Variants in CRIM1 observed in about 807,000 individuals in gnomAD.
CRIM1 encodes the protein cysteine rich transmembrane BMP regulator 1.
CRIM1 carries 32 observed loss-of-function variants against 116.4 expected under a neutral mutation model. The ratio of observed to expected loss-of-function variants is 0.27; its 90% CI spans 0.21 to 0.37. The LOEUF (loss-of-function observed/expected upper bound fraction) is 0.37. Among genes scored for constraint, CRIM1 ranks in the 10% least tolerant of loss-of-function variants. The pLI is 1.00. For synonymous variants in CRIM1, 590 were observed against 509.2 expected, an observed-to-expected ratio of 1.16 and a Z score of -2.13; for missense variants, 1,331 against 1,354.8, an observed-to-expected ratio of 0.98 and a Z score of 0.28.
In CRIM1 at chr2:36,396,718, C is replaced by A. The variant is rs759166979; in HGVS notation, c.436C>A (p.Arg146=). 1.4e-5 allele frequency: 22 copies of A among 1,613,712 alleles called. No individual in the cohort carries two copies. The highest frequency in any genetic ancestry group is 1.8e-5 in the Non-Finnish European group (21 of 1,179,634). ...TGGGAAATGTGAATGTAACACCATT[C>A]GAACCTGCAGCAATCCCTTTGAGTT... ...INGKCECNTI[R]TCSNPFEFPS... The change falls in exon 2 of 17, where the codon CGA becomes AGA. Residue 146 remains arginine (R), a synonymous_variant. Transcript: ENST00000280527.
intron 2 of CRIM1, among the ~76,000 whole-genome samples, chr2:36,433,528 A>AT (rs1675061798): frequency 6.6e-6 from 1 of 152,174 alleles, no homozygotes; most frequent in African/African-American, 2.4e-5. Flanking sequence ...CATTGTAAAG[A>AT]TTCTCTGTTT....
At chr2:36,483,133 C>T (rs1679545454) in intron 7 of CRIM1, among the ~76,000 whole-genome samples, 1 of 152,184 alleles carries the variant, frequency 6.6e-6, no homozygotes, top group Admixed American at 6.5e-5. Context: ...ATTATATTCT[C>T]ACATTTTGCT....
At chr2:36,422,049 T>C (rs1390691671) in intron 2 of CRIM1, among the ~76,000 whole-genome samples, 1 of 151,844 alleles carries the variant, frequency 6.6e-6, no homozygotes, top group African/African-American at 2.4e-5. Context: ...GTATATCTCA[T>C]GAACTGCCTT....
Position 36,420,722 on chromosome 2 carries a change from G to A in CRIM1, c.506-20536G>A, listed in dbSNP as rs921607030. Among the ~76,000 whole-genome samples the A allele has an allele frequency of 7.9e-5, 12 of 151,884 alleles. No homozygotes were observed. The East Asian group carries it at 2.3e-3, about 29-fold the overall frequency. On this transcript the variant is annotated intron_variant, in intron 2 of 16. Transcript: ENST00000280527. ...GGAAGCAGAGAAGGCATAGGGACATGGGGTAAGAAAGGAGAGCACAGTCGA... is the reference window on the plus strand; with the variant it reads ...GGAAGCAGAGAAGGCATAGGGACATAGGGTAAGAAAGGAGAGCACAGTCGA...
At chr2:36,506,041 C>A (rs183297007) in intron 8 of CRIM1, among the ~76,000 whole-genome samples, 75 of 152,016 alleles carry the variant, frequency 4.9e-4, no homozygotes, top group African/African-American at 1.8e-3. Context: ...TATTCCAGTC[C>A]AGGGTTGAGG....
chr2:36,374,671 A>C (rs1417386127), intron 1 of CRIM1, among the ~76,000 whole-genome samples: 1 of 152,184 alleles, frequency 6.6e-6, no homozygotes, highest in African/African-American at 2.4e-5. Context: ...CTTAAAAAGC[A>C]AGAAAGGAAA....
At chr2:36,544,791 C>A (rs569732012) in intron 15 of CRIM1, among the ~76,000 whole-genome samples, 1 of 152,168 alleles carries the variant, frequency 6.6e-6, no homozygotes, top group Non-Finnish European at 1.5e-5. Flanking sequence ...AGCCTGGTAT[C>A]TGGAACTTCT....
chr2:36,476,945 C>T lies in CRIM1; in HGVS notation c.1048C>T (p.Arg350Ter), dbSNP rs1365115540. 1 of 1,614,054 alleles carries T rather than the reference C, an allele frequency of 6.2e-7. No homozygotes were observed. The highest frequency in any genetic ancestry group is 1.7e-5 in the Admixed American group (1 of 60,012). Residue 350 changes from arginine to a stop codon, truncating the protein, a stop_gained, in exon 6 of 17, where the codon CGA becomes TGA. Transcript: ENST00000280527. LOFTEE classifies it high-confidence loss of function. ...NVEYYDGDMF[R>*]MDNCRFCRCQ... ...GGAATATTATGATGGAGACATGTTT[C>T]GAATGGACAACTGTCGGTTCTGTCG...
chr2:36,516,803 C>T (rs2125120200), intron 11 of CRIM1, among the ~76,000 whole-genome samples: 1 of 152,302 alleles, frequency 6.6e-6, no homozygotes, highest in African/African-American at 2.4e-5. Flanking sequence ...AATCTGGAGA[C>T]ATATCCATGA....
At chr2:36,471,229 T>C (rs1678488541) in intron 5 of CRIM1, among the ~76,000 whole-genome samples, 1 of 152,186 alleles carries the variant, frequency 6.6e-6, no homozygotes, top group Non-Finnish European at 1.5e-5. Context: ...ACCAGGGATT[T>C]AGACTATTAC....
chr2:36,466,789 T>C (rs1037244213), intron 5 of CRIM1, among the ~76,000 whole-genome samples: 5 of 152,228 alleles, frequency 3.3e-5, no homozygotes, highest in African/African-American at 1.2e-4. Flanking sequence ...TGGGTTACTT[T>C]GTAGGAATCC....
chr2:36,461,189 C>T (rs1428756104), intron 4 of CRIM1, among the ~76,000 whole-genome samples: 1 of 152,008 alleles, frequency 6.6e-6, no homozygotes, highest in Non-Finnish European at 1.5e-5. Context: ...GAGACAGAGA[C>T]GTGGGCAGGG....
At chr2:36,477,209 G>C in intron 6 of CRIM1, 138 bp downstream of exon 6, 1 of 677,860 alleles carries the variant, frequency 1.5e-6, no homozygotes, top group Non-Finnish European at 2.4e-6. Flanking sequence ...AAGACACCAT[G>C]GTCTGTCTTT....
At chr2:36,422,764 T>C (rs1302519798) in intron 2 of CRIM1, among the ~76,000 whole-genome samples, 1 of 152,252 alleles carries the variant, frequency 6.6e-6, no homozygotes, top group African/African-American at 2.4e-5. Context: ...ACTCCCTAAA[T>C]GCTTCATTTA....
intron 9 of CRIM1, among the ~76,000 whole-genome samples, chr2:36,510,699 C>G (rs550883253): frequency 6.6e-6 from 1 of 152,116 alleles, no homozygotes; most frequent in African/African-American, 2.4e-5. Flanking sequence ...TTTTAATATA[C>G]TTTATTGAGT....
chr2:36,508,690 A>T (rs1378843669), intron 8 of CRIM1, among the ~76,000 whole-genome samples: 1 of 152,302 alleles, frequency 6.6e-6, no homozygotes, highest in South Asian at 2.1e-4. Flanking sequence ...CTTGCTTTAT[A>T]TAATTAAGCA....
At chr2:36,493,259 A>C (rs1362755100) in intron 7 of CRIM1, among the ~76,000 whole-genome samples, 1 of 152,180 alleles carries the variant, frequency 6.6e-6, no homozygotes, top group African/African-American at 2.4e-5. Flanking sequence ...AGAAGAAGAA[A>C]AATAAATAAA....
intron 7 of CRIM1, among the ~76,000 whole-genome samples, chr2:36,495,414 G>C (rs1246237570): frequency 6.6e-6 from 1 of 151,564 alleles, no homozygotes; most frequent in Non-Finnish European, 1.5e-5. Flanking sequence ...TTTTAGACAA[G>C]CAGAATGTAT....
chr2:36,398,117 A>T (rs1388589704), intron 2 of CRIM1, among the ~76,000 whole-genome samples: 1 of 152,334 alleles, frequency 6.6e-6, no homozygotes, highest in African/African-American at 2.4e-5. Context: ...ACGTGATCAC[A>T]TGTCTGTTTA....
Sources: allele counts gnomAD v4.1 joint callset (sites outside exome capture counted in the v4.1 genomes callset), GRCh38; gene constraint gnomAD v4.1.1; transcripts MANE v1.5; gene names NCBI Gene and HGNC (gene_info 2026-07-23, HGNC 2026-07-21).